RTF1: variants seen among roughly 807,000 people sequenced by gnomAD.
RTF1 encodes the protein RNA polymerase-associated protein RTF1 homolog.
In RTF1, 10 loss-of-function variants were observed where a neutral mutation model predicts 95.7. The ratio of observed to expected loss-of-function variants is 0.10; its 90% CI spans 0.06 to 0.18. RTF1 has a LOEUF of 0.18. Among genes scored for constraint, RTF1 ranks in the 10% least tolerant of loss-of-function variants. The pLI is 1.00. For synonymous variants in RTF1, 305 were observed against 311.8 expected, an observed-to-expected ratio of 0.98 and a Z score of 0.23; for missense variants, 458 against 875.6, an observed-to-expected ratio of 0.52 and a Z score of 6.02.
chr15:41,466,404 C>A (rs145155443), intron 6 of RTF1, 152 bp downstream of exon 6: 171 of 474,602 alleles, frequency 3.6e-4, no homozygotes, highest in African/African-American at 3.2e-3. Flanking sequence ...CATCATCCAG[C>A]CACAGCAGTC....
chr15:41,472,788 G>A (rs2050920159), intron 8 of RTF1, among the ~76,000 whole-genome samples: 1 of 150,950 alleles, frequency 6.6e-6, no homozygotes, highest in East Asian at 2.0e-4. Context: ...TGCAAACTCT[G>A]GCTCCCAGGT....
chr15:41,447,000 A>T (rs1595431652), intron 2 of RTF1, among the ~76,000 whole-genome samples: 1 of 151,978 alleles, frequency 6.6e-6, no homozygotes, highest in East Asian at 1.9e-4. Flanking sequence ...TCAGGGTTTC[A>T]CCATGTTGGC....
At chr15:41,466,387 A>G (rs1010870203) in intron 6 of RTF1, 135 bp downstream of exon 6, 22 of 504,214 alleles carry the variant, frequency 4.4e-5, no homozygotes, top group Admixed American at 3.2e-4. Flanking sequence ...ATAAACATCC[A>G]CAAACCCATC....
In RTF1 at chr15:41,471,268, C is replaced by G. The variant is rs1248960690; in HGVS notation, c.1122C>G (p.His374Gln). The G allele has an allele frequency of 6.2e-7, 1 of 1,614,120 alleles. No homozygotes were observed. The highest frequency in any genetic ancestry group is 1.7e-5 in the Admixed American group (1 of 59,996). The part of the protein sequence containing the change: ...LSRHKLERWC[H>Q]MPFFAKTVTG... ...GGCATAAGCTAGAACGCTGGTGTCA[C>G]ATGCCCTTCTTTGCTAAAACTGTCA... Residue 374 changes from histidine (H) to glutamine (Q), a missense_variant, in exon 8 of 18, where the codon CAC (histidine) becomes CAG (glutamine). Physicochemically the swap from His to Gln is conservative, Grantham distance 24 (BLOSUM62 0). Transcript: ENST00000389629.
At chr15:41,424,304 C>T (rs1166574152) in intron 1 of RTF1, among the ~76,000 whole-genome samples, 2 of 152,046 alleles carry the variant, frequency 1.3e-5, no homozygotes, top group Non-Finnish European at 2.9e-5. Flanking sequence ...TGAAACAGAC[C>T]TGGAATATGT....
intron 1 of RTF1, among the ~76,000 whole-genome samples, chr15:41,432,196 C>CT (rs1324449834): frequency 0.06 from 8,208 of 136,834 alleles, 272 homozygotes; most frequent in Middle Eastern, 0.15. Context: ...GTTAGGTTTT[C>CT]TTTTTTTTTT....
chr15:41,433,843 CTTTTTTTTTT>C (rs11326489), intron 1 of RTF1, among the ~76,000 whole-genome samples: 1 of 126,080 alleles, frequency 7.9e-6, no homozygotes, highest in Admixed American at 8.2e-5. Flanking sequence ...TGCTACCACA[CTTTTTTTTTT>C]TTTTTTTTTT....
chr15:41,444,689 C>T (rs901579666), intron 2 of RTF1, among the ~76,000 whole-genome samples: 1 of 152,086 alleles, frequency 6.6e-6, no homozygotes, highest in African/African-American at 2.4e-5. Context: ...CCAAAATATC[C>T]AGCTGTGTGG....
chr15:41,437,087 GAAAC>G (rs991906759), intron 1 of RTF1, among the ~76,000 whole-genome samples: 7 of 151,186 alleles, frequency 4.6e-5, no homozygotes, highest in Non-Finnish European at 7.4e-5. Flanking sequence ...ACTCCATCTT[GAAAC>G]AAACAAACAA....
chr15:41,483,476 A>G lies in RTF1; in HGVS notation c.*2789A>G, dbSNP rs1380954545. 1 of 151,830 alleles carries G rather than the reference A, an allele frequency of 6.6e-6. No individual in the cohort carries two copies. The highest frequency in any genetic ancestry group is 1.5e-5 in the Non-Finnish European group (1 of 67,786). The allele number at this position is 151,830 out of a possible 1,614,324, so 9.4% of individuals were successfully genotyped here. A position where few individuals can be genotyped will look rare whatever the true frequency, so the allele number is the denominator to read the frequency against. On this transcript the variant is annotated 3_prime_UTR_variant, in exon 18 of 18. Transcript: ENST00000389629. ...CTACTGCCTGCCACTCCCTTCAAAA[A>G]GAATGTTTTTGCTTTTGTGAAGTCC...
chr15:41,444,849 A>C (rs1162998955), intron 2 of RTF1, among the ~76,000 whole-genome samples: 4 of 152,162 alleles, frequency 2.6e-5, no homozygotes, highest in Admixed American at 1.3e-4. Flanking sequence ...CATAGAGTTT[A>C]GGCTGGAATA....
At chr15:41,475,423 G>A in intron 9 of RTF1, 102 bp from the exon 10 acceptor site, 2 of 851,232 alleles carry the variant, frequency 2.3e-6, no homozygotes, top group Non-Finnish European at 2.0e-6. Context: ...GAGAACCACT[G>A]CAATAGGTAT....
intron 1 of RTF1, among the ~76,000 whole-genome samples, chr15:41,425,029 A>G (rs2050621795): frequency 2.0e-5 from 3 of 151,950 alleles, no homozygotes; most frequent in Non-Finnish European, 4.4e-5. Flanking sequence ...AAAAGAAAAA[A>G]ATTTAAAGCC....
chr15:41,433,658 A>G (rs2050687041), intron 1 of RTF1, among the ~76,000 whole-genome samples: 1 of 152,158 alleles, frequency 6.6e-6, no homozygotes, highest in South Asian at 2.1e-4. Context: ...CATTAAAGTA[A>G]TATGGGAAAA....
intron 9 of RTF1, 142 bp from the exon 10 acceptor site, chr15:41,475,383 C>A: frequency 1.5e-6 from 1 of 659,918 alleles, no homozygotes; most frequent in Non-Finnish European, 2.6e-6. Context: ...TTAAAACAGC[C>A]TGGGATGATT....
intron 4 of RTF1, among the ~76,000 whole-genome samples, chr15:41,463,067 A>G (rs1011954880): frequency 2.0e-5 from 3 of 152,222 alleles, no homozygotes; most frequent in South Asian, 2.1e-4. Context: ...GATATTTTAT[A>G]TAAATGAAAT....
At chr15:41,473,763 G>A (rs1440240122) in intron 8 of RTF1, among the ~76,000 whole-genome samples, 11 of 151,466 alleles carry the variant, frequency 7.3e-5, no homozygotes, top group Admixed American at 1.3e-4. Context: ...ACTGGGTCTC[G>A]GCTGGGCGCA....
intron 2 of RTF1, among the ~76,000 whole-genome samples, chr15:41,452,078 A>G (rs2050791861): frequency 6.6e-6 from 1 of 152,122 alleles, no homozygotes; most frequent in Non-Finnish European, 1.5e-5. Flanking sequence ...TTATTATGCA[A>G]CTTTTCTCTT....
chr15:41,461,622 TG>T (rs534635876), intron 4 of RTF1, among the ~76,000 whole-genome samples: 139 of 152,178 alleles, frequency 9.1e-4, no homozygotes, highest in African/African-American at 3.3e-3. Context: ...CCCAAGTAGC[TG>T]GGTTTACAGG....
Sources: allele counts gnomAD v4.1 joint callset (sites outside exome capture counted in the v4.1 genomes callset), GRCh38; gene constraint gnomAD v4.1.1; transcripts MANE v1.5; gene names NCBI Gene and HGNC (gene_info 2026-07-23, HGNC 2026-07-21).